CEP128: variants seen among roughly 807,000 people sequenced by gnomAD.
CEP128 encodes the protein centrosomal protein 128.
In CEP128, 132 loss-of-function variants were observed where a neutral mutation model predicts 156.7. The ratio of observed to expected loss-of-function variants is 0.84; its 90% confidence interval spans 0.73 to 0.97. The LOEUF is 0.97. CEP128 is among the 50% of genes least tolerant of loss of function. The pLI is 0.00. For synonymous variants in CEP128, 469 were observed against 448.9 expected (o/e 1.04, Z -0.57); for missense variants, 1,252 against 1,281.9 (o/e 0.98, Z 0.36).
At chr14:80,520,830 A>G (rs914248637) in intron 23 of CEP128, among the ~76,000 whole-genome samples, 1 of 151,558 alleles carries the variant, frequency 6.6e-6, no homozygotes, top group African/African-American at 2.4e-5. Context: ...TTATTTATTT[A>G]TTTATTTTTT....
intron 19 of CEP128, among the ~76,000 whole-genome samples, chr14:80,667,886 T>C (rs1015669834): frequency 1.3e-5 from 2 of 150,106 alleles, no homozygotes; most frequent in Admixed American, 1.3e-4. Flanking sequence ...GAAATGAATT[T>C]CCTTCAAATT....
chr14:80,801,477 TG>T (rs35913014), intron 13 of CEP128, among the ~76,000 whole-genome samples: 152,150 of 152,150 alleles, frequency 1, 76,075 homozygotes, highest in Non-Finnish European at 1. Context: ...AAAGGCCTTT[TG>T]CTGCATTTAT....
chr14:80,881,087 A>G (rs936125926), intron 8 of CEP128, among the ~76,000 whole-genome samples: 1 of 151,244 alleles, frequency 6.6e-6, no homozygotes, highest in Non-Finnish European at 1.5e-5. Context: ...CAGAGTAGAA[A>G]TAAATGAAAT....
intron 19 of CEP128, among the ~76,000 whole-genome samples, chr14:80,701,537 C>T (rs773143335): frequency 1.7e-4 from 26 of 152,270 alleles, no homozygotes; most frequent in Admixed American, 3.3e-4. Context: ...ATCTTCTCTC[C>T]TGCCTCAAAG....
Position 80,801,789 on chromosome 14 carries a change from T to A in CEP128, c.1210-8679A>T, listed in dbSNP as rs150997. ...TGGGCACAGTGGTGGGTGCCTGTAG[T>A]CCCAGCTACTTGGGAGGCTGAGGCA... On this transcript the variant is annotated intron_variant, in intron 13 of 24. Coordinates refer to ENST00000555265, the MANE Select transcript of CEP128 (RefSeq NM_152446.5). 3.0e-3 allele frequency among the ~76,000 whole-genome samples: 447 copies of A among 151,172 alleles called. 5 individuals carry two copies. The highest frequency in any genetic ancestry group is 5.1e-3 in the Non-Finnish European group (347 of 67,736).
intron 2 of CEP128, among the ~76,000 whole-genome samples, chr14:80,919,129 G>A (rs1884715404): frequency 6.6e-6 from 1 of 152,132 alleles, no homozygotes; most frequent in Admixed American, 6.5e-5. Flanking sequence ...TATAATAGTT[G>A]TTAATGAGAA....
At chr14:80,927,498 T>C (rs918745095) in intron 2 of CEP128, among the ~76,000 whole-genome samples, 2 of 152,104 alleles carry the variant, frequency 1.3e-5, no homozygotes, top group Non-Finnish European at 2.9e-5. Context: ...GTCCTCCAGG[T>C]TCAGGCTTGC....
intron 13 of CEP128, among the ~76,000 whole-genome samples, chr14:80,821,584 CACACACAT>C (rs1283740053): frequency 8.0e-6 from 1 of 125,608 alleles, no homozygotes; most frequent in African/African-American, 3.0e-5. Flanking sequence ...AGTTATATGT[CACACACAT>C]ACACACATAC....
chr14:80,759,198 T>C (rs530019090), intron 17 of CEP128, among the ~76,000 whole-genome samples: 1 of 152,196 alleles, frequency 6.6e-6, no homozygotes, highest in Non-Finnish European at 1.5e-5. Flanking sequence ...TAAAGTGGAA[T>C]AAGTAACAAA....
chr14:80,644,622 T>A (rs897974687), intron 19 of CEP128, among the ~76,000 whole-genome samples: 2 of 152,196 alleles, frequency 1.3e-5, no homozygotes, highest in African/African-American at 4.8e-5. Flanking sequence ...GTAATAACCA[T>A]CATTAATATT....
At chr14:80,704,139 A>G (rs980698386) in intron 19 of CEP128, among the ~76,000 whole-genome samples, 2 of 152,044 alleles carry the variant, frequency 1.3e-5, no homozygotes, top group African/African-American at 4.8e-5. Context: ...CTTACCACAC[A>G]ATTAAATTTA....
chr14:80,637,164 C>T lies in CEP128; in HGVS notation c.2807-56741G>A, dbSNP rs965728318. 2.0e-5 allele frequency among the ~76,000 whole-genome samples: 3 copies of T among 151,872 alleles called. No individual in the cohort carries two copies. In the South Asian group the frequency reaches 6.2e-4, roughly 31 times the overall value. ...TGCTTAAAACCCTGCAATCAGAGCTCTTAGAATAAAACTAAAATTTTTAAC... is the reference window on the plus strand; with the variant it reads ...TGCTTAAAACCCTGCAATCAGAGCTTTTAGAATAAAACTAAAATTTTTAAC... On this transcript the variant is annotated intron_variant, in intron 19 of 24. Coordinates refer to ENST00000555265, the MANE Select transcript of CEP128 (RefSeq NM_152446.5).
chr14:80,799,808 C>T (rs570365934), intron 13 of CEP128, among the ~76,000 whole-genome samples: 19 of 152,110 alleles, frequency 1.2e-4, no homozygotes, highest in East Asian at 3.9e-4. Flanking sequence ...TCTCTGCTCT[C>T]GAACCCTGTT....
intron 2 of CEP128, among the ~76,000 whole-genome samples, chr14:80,916,943 C>A (rs1321543198): frequency 2.0e-5 from 3 of 152,118 alleles, no homozygotes; most frequent in African/African-American, 7.2e-5. Flanking sequence ...AAAGTTAGGA[C>A]CAGCAAGTAT....
chr14:80,897,267 A>T (rs1323071272), intron 7 of CEP128, among the ~76,000 whole-genome samples: 2 of 152,108 alleles, frequency 1.3e-5, no homozygotes, highest in African/African-American at 4.8e-5. Flanking sequence ...ATCTCAGCTC[A>T]GCTCCTTCTA....
At chr14:80,543,837 C>T (rs1319636854) in intron 21 of CEP128, among the ~76,000 whole-genome samples, 6 of 152,194 alleles carry the variant, frequency 3.9e-5, no homozygotes, top group African/African-American at 1.4e-4. Flanking sequence ...GGCCCCCTCC[C>T]CTACTTCATT....
chr14:80,798,416 C>T (rs141491115), intron 13 of CEP128, among the ~76,000 whole-genome samples: 86 of 152,314 alleles, frequency 5.6e-4, no homozygotes, highest in Non-Finnish European at 6.6e-4. Flanking sequence ...AGTGAAATTA[C>T]GCAAGACATG....
chr14:80,714,933 T>A (rs1319098217), intron 19 of CEP128, among the ~76,000 whole-genome samples: 2 of 152,200 alleles, frequency 1.3e-5, no homozygotes, highest in Non-Finnish European at 2.9e-5. Context: ...TTATTTTATT[T>A]TTATAAAAGT....
chr14:80,768,558 A>AG (rs940919359), intron 16 of CEP128, among the ~76,000 whole-genome samples: 35 of 152,146 alleles, frequency 2.3e-4, no homozygotes, highest in Non-Finnish European at 1.9e-4. Context: ...CCTCCAAAAG[A>AG]GGGGAAGAAG....
Sources: allele counts gnomAD v4.1 joint callset (sites outside exome capture counted in the v4.1 genomes callset), GRCh38; gene constraint gnomAD v4.1.1; transcripts MANE v1.5; gene names NCBI Gene and HGNC (gene_info 2026-07-23, HGNC 2026-07-21).